The following STPG2 variants were observed in gnomAD, a reference collection of about 807,000 sequenced individuals.
The protein encoded by STPG2 is sperm tail PG-rich repeat containing 2.
A neutral mutation model predicts 54.2 loss-of-function variants in STPG2; 56 were observed. That is an observed-to-expected ratio of 1.03 (90% CI 0.83 to 1.29). The LOEUF (loss-of-function observed/expected upper bound fraction) is 1.29, where lower values mean the gene tolerates loss of function less well. Ranked by LOEUF, STPG2 falls within the 50% of genes most tolerant of loss-of-function variation. The pLI, the probability that STPG2 is intolerant of heterozygous loss-of-function variation, is 0.00. For missense variants in STPG2, 596 were observed against 544.9 expected, an observed-to-expected ratio of 1.09 and a Z score of -0.93; for synonymous variants, 200 against 181.8, an observed-to-expected ratio of 1.10 and a Z score of -0.81.
At chr4:97,592,004 A>G (rs1209829858) in intron 10 of STPG2, among the ~76,000 whole-genome samples, 1 of 152,242 alleles carries the variant, frequency 6.6e-6, no homozygotes. Context: ...CTAAAACTAA[A>G]AACATGTGAA....
intron 9 of STPG2, among the ~76,000 whole-genome samples, chr4:97,725,944 C>A (rs1473488098): frequency 2.6e-5 from 4 of 151,756 alleles, no homozygotes; most frequent in African/African-American, 9.7e-5. Flanking sequence ...AATCAAAATG[C>A]CTTCTGATCG....
At chr4:97,918,106 A>C (rs1256683456) in intron 8 of STPG2, among the ~76,000 whole-genome samples, 2 of 152,210 alleles carry the variant, frequency 1.3e-5, no homozygotes, top group African/African-American at 2.4e-5. Context: ...AATGTTCCTC[A>C]GTAAATTTGT....
At chr4:97,982,435 A>T (rs1734713036) in intron 5 of STPG2, among the ~76,000 whole-genome samples, 1 of 150,820 alleles carries the variant, frequency 6.6e-6, no homozygotes, top group South Asian at 2.1e-4. Context: ...TGCATATTTC[A>T]TGGCTCTTTA....
intron 10 of STPG2, among the ~76,000 whole-genome samples, chr4:97,595,703 C>T (rs1326410663): frequency 1.3e-5 from 2 of 152,076 alleles, no homozygotes; most frequent in Non-Finnish European, 2.9e-5. Context: ...AGATCCTTTT[C>T]AAGTAAGCAA....
At chr4:97,805,723 C>T (rs537531884) in intron 9 of STPG2, among the ~76,000 whole-genome samples, 5 of 151,512 alleles carry the variant, frequency 3.3e-5, no homozygotes, top group African/African-American at 1.2e-4. Flanking sequence ...AGGCTGTTTA[C>T]TCTGTTAATT....
chr4:97,959,291 C>G (rs1451537306), intron 7 of STPG2, among the ~76,000 whole-genome samples: 1 of 152,026 alleles, frequency 6.6e-6, no homozygotes, highest in Non-Finnish European at 1.5e-5. Context: ...AACAGACAAT[C>G]TAAGGTCACA....
At position 98,102,254 on chromosome 4, in the gene STPG2, T is replaced by C. The variant is rs79311949; in HGVS notation, c.612+3699A>G. On this transcript the variant is annotated intron_variant, in intron 5 of 10. Coordinates refer to ENST00000295268, the MANE Select transcript of STPG2 (RefSeq NM_174952.3). ...AATTACTGGATCTCCTATATGCCTC[T>C]ATATTTGTCTTTCAGGGATCTGCAA... Among the ~76,000 whole-genome samples the C allele has an allele frequency of 4.2e-3, 643 of 152,316 alleles. 7 individuals are homozygous for C. Among genetic ancestry groups the C allele is most frequent in the African/African-American group, 0.014 (600 of 41,564 alleles).
At chr4:97,621,491 C>T (rs1560689425) in intron 10 of STPG2, among the ~76,000 whole-genome samples, 1 of 152,190 alleles carries the variant, frequency 6.6e-6, no homozygotes, top group Admixed American at 6.5e-5. Context: ...TGAGACATTA[C>T]TATTAATACT....
chr4:97,536,861 C>CA (rs1731544337), intron 4 of STPG2, among the ~76,000 whole-genome samples: 1 of 152,160 alleles, frequency 6.6e-6, no homozygotes, highest in Admixed American at 6.5e-5. Flanking sequence ...CCACCTGTAA[C>CA]ACTGCTATAA....
In STPG2 at chr4:97,636,265, C is replaced by A. The variant is rs546484298; in HGVS notation, c.1320+76434G>T. On this transcript the variant is annotated intron_variant, in intron 10 of 10. Transcript: ENST00000295268. ...TACTGGGTACATAACGAAATGAAGG[C>A]AGAAATAAAGATGTTCTTTGAAACC... Among the ~76,000 whole-genome samples, 610 of 146,562 alleles carry A rather than the reference C, an allele frequency of 4.2e-3. 4 individuals are homozygous for A. Among genetic ancestry groups the A allele is most frequent in the South Asian group, 0.021 (90 of 4,274 alleles).
At chr4:97,665,759 C>T (rs1043671834) in intron 10 of STPG2, among the ~76,000 whole-genome samples, 1 of 152,086 alleles carries the variant, frequency 6.6e-6, no homozygotes, top group African/African-American at 2.4e-5. Context: ...ACCAAGCTGC[C>T]CTCAGCACTC....
intron 5 of STPG2, among the ~76,000 whole-genome samples, chr4:98,032,876 G>T (rs993598440): frequency 3.9e-5 from 6 of 152,194 alleles, no homozygotes; most frequent in African/African-American, 1.4e-4. Flanking sequence ...GCAGAATAAA[G>T]ATGTTATTTG....
rs181863393 is a variant in STPG2, at chr4:97,880,734, T to G, written c.1045-39802A>C. 2.6e-4 allele frequency among the ~76,000 whole-genome samples: 40 copies of G among 152,204 alleles called. No homozygotes were observed. In the East Asian group the frequency reaches 6.8e-3, roughly 26 times the overall value. ...CTTTTTTTCCTGAGCATTTTTGCAT[T>G]TTTGCATGCTGGTAAGAGGAGCCTT... On this transcript the variant is annotated intron_variant, in intron 8 of 10. Coordinates refer to ENST00000295268, the MANE Select transcript of STPG2 (RefSeq NM_174952.3).
chr4:97,940,736 A>T (rs1732944271), intron 8 of STPG2, among the ~76,000 whole-genome samples: 1 of 152,176 alleles, frequency 6.6e-6, no homozygotes. Flanking sequence ...ACCAATTTTA[A>T]AGCAGGATTT....
At chr4:97,750,550 G>A (rs1725552097) in intron 9 of STPG2, among the ~76,000 whole-genome samples, 1 of 151,654 alleles carries the variant, frequency 6.6e-6, no homozygotes, top group African/African-American at 2.4e-5. Flanking sequence ...GAATGTAACT[G>A]ATGTTAAGGG....
chr4:98,136,332 T>A (rs1029467379), intron 1 of STPG2, among the ~76,000 whole-genome samples: 1 of 151,728 alleles, frequency 6.6e-6, no homozygotes, highest in African/African-American at 2.4e-5. Context: ...ATATAGTAAA[T>A]TGAAACTGCA....
intron 8 of STPG2, among the ~76,000 whole-genome samples, chr4:97,913,526 C>T (rs1731759060): frequency 6.6e-6 from 1 of 152,130 alleles, no homozygotes; most frequent in African/African-American, 2.4e-5. Flanking sequence ...TAGAACAGCT[C>T]CTCCTCCTTG....
At chr4:97,634,934 G>C (rs942548437) in intron 10 of STPG2, among the ~76,000 whole-genome samples, 1 of 152,142 alleles carries the variant, frequency 6.6e-6, no homozygotes, top group Non-Finnish European at 1.5e-5. Flanking sequence ...TTATCCAGGA[G>C]AATTTCCCCA....
At chr4:98,116,508 A>G (rs1222493011) in intron 3 of STPG2, among the ~76,000 whole-genome samples, 5 of 151,876 alleles carry the variant, frequency 3.3e-5, no homozygotes, top group African/African-American at 1.2e-4. Flanking sequence ...GCTCCATTAC[A>G]CTTCTTTGCA....
Sources: gnomAD v4.1 joint callset for allele counts (sites outside exome capture counted in the v4.1 genomes callset) on GRCh38, gnomAD v4.1.1 for gene constraint, MANE v1.5 for transcripts, NCBI Gene and HGNC (gene_info 2026-07-23, HGNC 2026-07-21) for gene names.